The following SDK1 variants were observed in gnomAD, a reference collection of about 807,000 sequenced individuals.
SDK1 encodes sidekick cell adhesion molecule 1.
Under a neutral mutation model 245.5 loss-of-function variants are expected in SDK1, and 157 were observed. The ratio of observed to expected loss-of-function variants is 0.64; its 90% CI spans 0.56 to 0.73. The LOEUF is 0.73. Among genes scored for constraint, SDK1 ranks in the 30% least tolerant of loss-of-function variants. SDK1 has a pLI of 0.00. For synonymous variants in SDK1, 1,647 were observed against 1,278.5 expected (o/e 1.29, Z -6.15); for missense variants, 3,583 against 3,002.3 (o/e 1.19, Z -4.52).
intron 4 of SDK1, among the ~76,000 whole-genome samples, chr7:3,667,963 T>C (rs1306158432): frequency 6.6e-6 from 1 of 152,228 alleles, no homozygotes; most frequent in African/African-American, 2.4e-5. Flanking sequence ...GTTACATGCT[T>C]GGAGTAGACT....
chr7:3,800,527 G>T (rs906723214), intron 4 of SDK1, among the ~76,000 whole-genome samples: 1 of 151,914 alleles, frequency 6.6e-6, no homozygotes, highest in African/African-American at 2.4e-5. Flanking sequence ...GATTACAGGT[G>T]CCCACCACCA....
At chr7:4,034,406 T>A (rs913121249) in intron 17 of SDK1, among the ~76,000 whole-genome samples, 5 of 152,160 alleles carry the variant, frequency 3.3e-5, no homozygotes, top group Non-Finnish European at 7.4e-5. Flanking sequence ...ACCTGGTGAG[T>A]GTTCTTGGAA....
rs569835084 is a variant in SDK1 at position 4,267,617 on chromosome 7, C to T, written c.*2233C>T. 5 of 985,480 alleles carry T rather than the reference C, an allele frequency of 5.1e-6. No homozygotes were observed. The East Asian group carries it at 4.5e-4, about 89-fold the overall frequency. The allele number at this position is 985,480 out of a possible 1,614,324, so 61.0% of individuals were successfully genotyped here. A position where few individuals can be genotyped will look rare whatever the true frequency, so the allele number is the denominator to read the frequency against. Reference sequence around the variant, plus strand: ...TTCTGTGCACTCTGATGACTGCTCTCTGCAGCCATGAGGATGTGGCTTTAC... The same window carrying T: ...TTCTGTGCACTCTGATGACTGCTCTTTGCAGCCATGAGGATGTGGCTTTAC... On this transcript the variant is annotated 3_prime_UTR_variant, in exon 45 of 45. Transcript: ENST00000404826.
intron 4 of SDK1, among the ~76,000 whole-genome samples, chr7:3,749,912 C>T (rs1367581938): frequency 6.6e-6 from 1 of 152,184 alleles, no homozygotes; most frequent in Admixed American, 6.5e-5. Flanking sequence ...TCTCACCTTT[C>T]CCAGCTGTGT....
intron 1 of SDK1, among the ~76,000 whole-genome samples, chr7:3,441,548 T>C (rs1354453946): frequency 1.3e-5 from 2 of 152,232 alleles, no homozygotes; most frequent in African/African-American, 2.4e-5. Flanking sequence ...TTTTGGACTC[T>C]GTTTTGTTCC....
At chr7:4,212,230 T>C (rs1784549239) in intron 38 of SDK1, among the ~76,000 whole-genome samples, 1 of 152,320 alleles carries the variant, frequency 6.6e-6, no homozygotes, top group South Asian at 2.1e-4. Flanking sequence ...CGGAGTTGAT[T>C]TGATGAAGAA....
At chr7:4,255,995 C>T (rs1046713493) in intron 44 of SDK1, among the ~76,000 whole-genome samples, 9 of 146,538 alleles carry the variant, frequency 6.1e-5, no homozygotes, top group African/African-American at 2.3e-4. Context: ...TCTCAGCTCA[C>T]TGCAACCTCT....
intron 5 of SDK1, among the ~76,000 whole-genome samples, chr7:3,851,751 G>GA (rs1202120347): frequency 6.6e-6 from 1 of 152,180 alleles, no homozygotes; most frequent in Non-Finnish European, 1.5e-5. Context: ...GTTGAACCCA[G>GA]AAGAAACGGC....
At chr7:3,382,402 G>C (rs1781510895) in intron 1 of SDK1, among the ~76,000 whole-genome samples, 1 of 152,188 alleles carries the variant, frequency 6.6e-6, no homozygotes, top group African/African-American at 2.4e-5. Flanking sequence ...GCCAGCTGCT[G>C]TTCTGTGGAT....
In SDK1 at chr7:4,049,300, T is replaced by G. The variant is rs1052913936; in HGVS notation, c.2603-48T>G. ...TCCTTTCTGTCTCTCCACCCCATGG[T>G]CCCTCCTGCCATTTGTTCTGCTGTC... On this transcript the variant is annotated intron_variant, in intron 17 of 44. Transcript: ENST00000404826. 4.2e-6 allele frequency: 6 copies of G among 1,434,066 alleles called. No individual in the cohort carries two copies. The African/African-American group carries it at 8.4e-5, about 20-fold the overall frequency. The allele number at this position is 1,434,066 out of a possible 1,614,324, so 88.8% of individuals were successfully genotyped here. A position where few individuals can be genotyped will look rare whatever the true frequency, so the allele number is the denominator to read the frequency against.
At chr7:3,581,710 A>T (rs974865534) in intron 1 of SDK1, among the ~76,000 whole-genome samples, 3 of 152,242 alleles carry the variant, frequency 2.0e-5, no homozygotes, top group Non-Finnish European at 2.9e-5. Context: ...TATTCATTGC[A>T]GCAGTATTCA....
chr7:3,427,801 C>A (rs1328976956), intron 1 of SDK1, among the ~76,000 whole-genome samples: 1 of 151,762 alleles, frequency 6.6e-6, no homozygotes, highest in African/African-American at 2.4e-5. Flanking sequence ...AAGCTGCCTT[C>A]ACCAAGCTCC....
chr7:3,621,552 G>A (rs1437268614), intron 2 of SDK1, among the ~76,000 whole-genome samples: 6 of 152,170 alleles, frequency 3.9e-5, no homozygotes, highest in African/African-American at 1.4e-4. Context: ...CTTGGATGGC[G>A]GGAAAGGAAT....
chr7:4,039,803 C>T (rs1187567663), intron 17 of SDK1, among the ~76,000 whole-genome samples: 1 of 152,086 alleles, frequency 6.6e-6, no homozygotes, highest in East Asian at 1.9e-4. Flanking sequence ...GCTAAATTTA[C>T]ATCATCACTA....
intron 14 of SDK1, among the ~76,000 whole-genome samples, chr7:4,002,343 G>T (rs533068749): frequency 4.6e-5 from 7 of 152,286 alleles, no homozygotes; most frequent in Non-Finnish European, 1.0e-4. Flanking sequence ...TGTTGTCTGG[G>T]CTTTCAAAAC....
chr7:3,948,251 CTTTTTTTT>C (rs34746302), intron 5 of SDK1, among the ~76,000 whole-genome samples: 5 of 79,668 alleles, frequency 6.3e-5, no homozygotes, highest in African/African-American at 2.2e-4. Flanking sequence ...ATCACCATTG[CTTTTTTTT>C]TTTTTTTTTT....
chr7:4,240,827 G>A (rs1376810865), intron 42 of SDK1, among the ~76,000 whole-genome samples: 1 of 152,148 alleles, frequency 6.6e-6, no homozygotes, highest in East Asian at 1.9e-4. Flanking sequence ...GAAGGGGAGA[G>A]AAACCCGGGA....
chr7:4,217,421 A>AGCACCAGGCCACCCGGG (rs1784878735), intron 38 of SDK1, among the ~76,000 whole-genome samples: 1 of 138,902 alleles, frequency 7.2e-6, no homozygotes, highest in Non-Finnish European at 1.5e-5. Context: ...GGCCACCCGG[A>AGCACCAGGCCACCCGGG]GCACCAGGCC....
At chr7:3,797,311 T>A (rs983627414) in intron 4 of SDK1, among the ~76,000 whole-genome samples, 3 of 152,098 alleles carry the variant, frequency 2.0e-5, no homozygotes, top group African/African-American at 7.2e-5. Context: ...AGGTTCATCT[T>A]TTCCTGTTTT....
Sources: allele counts gnomAD v4.1 joint callset (sites outside exome capture counted in the v4.1 genomes callset), GRCh38; gene constraint gnomAD v4.1.1; transcripts MANE v1.5; gene names NCBI Gene and HGNC (gene_info 2026-07-23, HGNC 2026-07-21).